The following NFIA variants were observed in gnomAD, a reference collection of about 807,000 sequenced individuals.
NFIA encodes the protein nuclear factor I A, also known as nuclear factor 1 A-type.
Under a neutral mutation model 62.8 loss-of-function variants are expected in NFIA, and 8 were observed. The ratio of observed to expected loss-of-function variants is 0.13; its 90% CI spans 0.07 to 0.23. The LOEUF is 0.23. Ranked by LOEUF, NFIA falls within the 10% of genes least tolerant of loss-of-function variation. The pLI, the probability that NFIA is intolerant of heterozygous loss-of-function variation, is 1.00. For synonymous variants in NFIA, 235 were observed against 238.1 expected (o/e 0.99, Z 0.12); for missense variants, 410 against 642.1 (o/e 0.64, Z 3.91).
chr1:61,384,687 A>C (rs1222521553), intron 7 of NFIA, among the ~76,000 whole-genome samples: 3 of 152,202 alleles, frequency 2.0e-5, no homozygotes, highest in African/African-American at 7.2e-5. Context: ...TTTAGTCAGA[A>C]TATTTATGGC....
At chr1:61,207,120 GGTTCAGAGATT>G (rs1210888303) in intron 2 of NFIA, among the ~76,000 whole-genome samples, 1 of 152,080 alleles carries the variant, frequency 6.6e-6, no homozygotes, top group African/African-American at 2.4e-5. Context: ...CTGCTGAGGT[GGTTCAGAGATT>G]TTGTAGCTGT....
At chr1:61,184,225 G>A (rs1650981106) in intron 2 of NFIA, among the ~76,000 whole-genome samples, 1 of 152,024 alleles carries the variant, frequency 6.6e-6, no homozygotes, top group Non-Finnish European at 1.5e-5. Flanking sequence ...CTCCTGGTGT[G>A]GGTTCAGGCC....
chr1:61,234,056 C>T (rs1360664732), intron 2 of NFIA, among the ~76,000 whole-genome samples: 2 of 152,148 alleles, frequency 1.3e-5, no homozygotes, highest in Non-Finnish European at 2.9e-5. Context: ...CTCCTTTCCA[C>T]ACAAAGACCT....
At chr1:61,254,154 C>T (rs560882316) in intron 2 of NFIA, among the ~76,000 whole-genome samples, 1 of 152,100 alleles carries the variant, frequency 6.6e-6, no homozygotes, top group Non-Finnish European at 1.5e-5. Flanking sequence ...GATTGCAATT[C>T]CCAGAGTACT....
At chr1:61,126,663 G>A (rs755816204) in intron 2 of NFIA, among the ~76,000 whole-genome samples, 7 of 151,876 alleles carry the variant, frequency 4.6e-5, no homozygotes, top group Non-Finnish European at 1.0e-4. Flanking sequence ...TAATGAACAA[G>A]GTGAACAGGA....
intron 2 of NFIA, among the ~76,000 whole-genome samples, chr1:61,163,567 C>T (rs931651239): frequency 7.2e-5 from 11 of 152,026 alleles, no homozygotes; most frequent in African/African-American, 2.7e-4. Flanking sequence ...TTAGACCTAA[C>T]TAGTATTGCA....
intron 2 of NFIA, among the ~76,000 whole-genome samples, chr1:61,251,607 A>G (rs1656044360): frequency 6.6e-6 from 1 of 152,208 alleles, no homozygotes; most frequent in African/African-American, 2.4e-5. Context: ...GATTGATCTT[A>G]AGTACAATCA....
chr1:61,322,395 T>C (rs929829695), intron 3 of NFIA, among the ~76,000 whole-genome samples: 1 of 152,180 alleles, frequency 6.6e-6, no homozygotes, highest in African/African-American at 2.4e-5. Context: ...GCAGCCTAAG[T>C]TGGCAGGATG....
At chr1:61,122,204 A>G (rs956221561) in intron 2 of NFIA, among the ~76,000 whole-genome samples, 4 of 152,110 alleles carry the variant, frequency 2.6e-5, no homozygotes, top group African/African-American at 9.7e-5. Context: ...ACTGTATCAT[A>G]GTTTCTTTTT....
rs1553183290 is a variant in NFIA at position 61,406,557 on chromosome 1, C to CA, written c.1255-4dup. 4.6e-6 allele frequency: 6 copies of CA among 1,317,542 alleles called. No homozygotes were observed. The highest frequency in any genetic ancestry group is 2.7e-5 in the South Asian group (2 of 74,802). The allele number at this position is 1,317,542 out of a possible 1,614,324, so 81.6% of individuals were successfully genotyped here. On this transcript the variant is annotated splice_polypyrimidine_tract_variant and splice_region_variant and intron_variant, in intron 8 of 10. Transcript: ENST00000403491. ...GTGTGTTTTCTGCCCCCCCCCCCCC[C>CA]ACAGCCCAATGGGAGCAGCCAAGGC... is the stretch of plus-strand genomic sequence containing the variant.
At chr1:61,212,717 T>C (rs1428370683) in intron 2 of NFIA, among the ~76,000 whole-genome samples, 1 of 152,200 alleles carries the variant, frequency 6.6e-6, no homozygotes, top group South Asian at 2.1e-4. Context: ...GGACTGTATC[T>C]TCAGGCACAG....
At chr1:61,082,504 G>A (rs1296291592), upstream of NFIA, 2 of 1,228,726 alleles carry the variant, frequency 1.6e-6, no homozygotes. Flanking sequence ...GGTGCGCTAT[G>A]CCTTTAACAC....
chr1:61,199,639 T>C lies in NFIA; in HGVS notation c.560-77881T>C, dbSNP rs114401645. ...CCTTCTAATCGTAGCTTCATAGATATGTGGTGTGCTTCCAAGTGTGTATAC... is the reference window on the plus strand; with the variant it reads ...CCTTCTAATCGTAGCTTCATAGATACGTGGTGTGCTTCCAAGTGTGTATAC... On this transcript the variant is annotated intron_variant, in intron 2 of 10. Transcript: ENST00000403491. Among the ~76,000 whole-genome samples the C allele has an allele frequency of 2.1e-3, 315 of 152,126 alleles. 3 individuals are homozygous for C. The highest frequency in any genetic ancestry group is 7.0e-3 in the African/African-American group (289 of 41,508).
chr1:61,129,638 G>A (rs1647039648), intron 2 of NFIA, among the ~76,000 whole-genome samples: 1 of 151,624 alleles, frequency 6.6e-6, no homozygotes, highest in African/African-American at 2.4e-5. Flanking sequence ...TAGTAGAGAT[G>A]GGGTTTCAGC....
At chr1:61,190,563 A>G (rs1306929018) in intron 2 of NFIA, among the ~76,000 whole-genome samples, 8 of 152,330 alleles carry the variant, frequency 5.3e-5, no homozygotes, top group African/African-American at 1.7e-4. Context: ...CAAACAAGTC[A>G]GGCAGAATGA....
chr1:61,094,236 A>C (rs1646373030), intron 2 of NFIA, among the ~76,000 whole-genome samples: 1 of 152,196 alleles, frequency 6.6e-6, no homozygotes. Context: ...TGAGTAAGGG[A>C]AGGAAGAAGT....
At chr1:61,133,553 A>G (rs771044933) in intron 2 of NFIA, among the ~76,000 whole-genome samples, 2 of 152,214 alleles carry the variant, frequency 1.3e-5, no homozygotes, top group Non-Finnish European at 2.9e-5. Context: ...TGAGTGAACA[A>G]AATGAATGTA....
intron 2 of NFIA, among the ~76,000 whole-genome samples, chr1:61,098,936 A>G (rs976182793): frequency 1.3e-5 from 2 of 152,208 alleles, no homozygotes; most frequent in African/African-American, 4.8e-5. Flanking sequence ...AACCATATAT[A>G]TATATGTATA....
intron 2 of NFIA, among the ~76,000 whole-genome samples, chr1:61,218,771 C>G (rs911345764): frequency 3.3e-5 from 5 of 152,116 alleles, no homozygotes; most frequent in African/African-American, 1.2e-4. Flanking sequence ...GAAACCAATT[C>G]TGTGATGGTC....
Sources: gnomAD v4.1 joint callset for allele counts (sites outside exome capture counted in the v4.1 genomes callset) on GRCh38, gnomAD v4.1.1 for gene constraint, MANE v1.5 for transcripts, NCBI Gene and HGNC (gene_info 2026-07-23, HGNC 2026-07-21) for gene names.